ZNF500: variants seen among roughly 807,000 people sequenced by gnomAD.
ZNF500 encodes zinc finger protein 500.
Under a neutral mutation model 30.1 loss-of-function variants are expected in ZNF500, and 31 were observed. The ratio of observed to expected loss-of-function variants is 1.03; its 90% CI spans 0.77 to 1.39. The LOEUF is 1.39. Among genes scored for constraint, ZNF500 ranks in the 40% most tolerant of loss-of-function variants. The pLI, the probability that ZNF500 is intolerant of heterozygous loss-of-function variation, is 0.00. For missense variants in ZNF500, 817 were observed against 657.8 expected (o/e 1.24, Z -2.65); for synonymous variants, 392 against 282.0 (o/e 1.39, Z -3.91).
intron 5 of ZNF500, among the ~76,000 whole-genome samples, chr16:4,753,372 G>A (rs868155695): frequency 5.3e-5 from 8 of 152,216 alleles, no homozygotes; most frequent in African/African-American, 1.9e-4. Context: ...TGAGGTCGGA[G>A]GATCACTTGA....
rs2082062224 is a variant in ZNF500 at position 4,749,914 on chromosome 16, A to C, written c.*2462T>G. 6.6e-6 allele frequency: 1 copy of C among 152,296 alleles called. No homozygotes were observed. The allele number at this position is 152,296 out of a possible 1,614,324, so 9.4% of individuals were successfully genotyped here. On this transcript the variant is annotated 3_prime_UTR_variant, in exon 6 of 6. Coordinates refer to ENST00000219478, the MANE Select transcript of ZNF500 (RefSeq NM_021646.4). ...GCACCTGGGACTCACAGCTCCTACA[A>C]AACTCTCCCATCACGTGAGTGCTGA...
In ZNF500 at chr16:4,765,831, G is replaced by A. The variant is rs767465356; in HGVS notation, c.148C>T (p.Arg50Cys). The A allele has an allele frequency of 1.6e-5, 26 of 1,613,514 alleles. No individual in the cohort carries two copies. Among genetic ancestry groups the A allele is most frequent in the Middle Eastern group, 1.6e-4 (1 of 6,084 alleles). The change falls in exon 2 of 6, where the codon CGC becomes TGC. Residue 50 changes from arginine (R) to cysteine (C), a missense_variant. By Grantham distance (180) the Arg-to-Cys change is radical. Coordinates refer to ENST00000219478, the MANE Select transcript of ZNF500 (RefSeq NM_021646.4). ...ETEDPSPETF[R>C]QLFRLFCYQE... ...TAGCAGAAGAGCCGGAAGAGCTGGC[G>A]GAAAGTCTCAGGGCTGGGGTCCTCC...
At chr16:4,747,032 A>G, downstream of ZNF500, 2 of 1,521,280 alleles carry the variant, frequency 1.3e-6, no homozygotes, top group Non-Finnish European at 1.8e-6. Flanking sequence ...TACGGTAACC[A>G]CCCAGGGGCC....
At chr16:4,744,528 T>G (rs1210724072), downstream of ZNF500, among the ~76,000 whole-genome samples, 1 of 152,032 alleles carries the variant, frequency 6.6e-6, no homozygotes, top group Admixed American at 6.6e-5. Flanking sequence ...AGGATGACCC[T>G]ATTTTTTTTT....
downstream of ZNF500, chr16:4,747,683 C>T: frequency 2.0e-6 from 3 of 1,525,144 alleles, no homozygotes; most frequent in Non-Finnish European, 2.7e-6. Flanking sequence ...TGCCATGGAC[C>T]CTGGGCCCCG....
intron 5 of ZNF500, among the ~76,000 whole-genome samples, chr16:4,757,053 T>C (rs1044529817): frequency 4.6e-5 from 7 of 152,040 alleles, no homozygotes; most frequent in African/African-American, 1.4e-4. Context: ...TGAGACCCTG[T>C]CTCAAAAAAG....
Position 4,762,664 on chromosome 16 carries a change from G to A in ZNF500, c.507C>T (p.Ser169=). The A allele has an allele frequency of 6.2e-7, 1 of 1,614,122 alleles. No homozygotes were observed. The highest frequency in any genetic ancestry group is 1.7e-5 in the Admixed American group (1 of 60,018). ...TGGAGAATCGAGCCTCTTCCTCCAG[G>A]GACAGATCCTCTGGCTGAGCCTCTG... is the stretch of plus-strand genomic sequence containing the variant. ...HQAEAQPEDL[S]LEEEARFSSQ... is the part of the protein sequence containing the mutation. Residue 169 remains serine (S), a synonymous_variant, in exon 3 of 6, where the codon TCC becomes TCT. Transcript: ENST00000219478.
chr16:4,762,210 G>A, intron 4 of ZNF500, 61 bp downstream of exon 4: 2 of 1,567,226 alleles, frequency 1.3e-6, no homozygotes, highest in Non-Finnish European at 1.7e-6. Context: ...ACAAGGAAGT[G>A]TGACACACAG....
intron 5 of ZNF500, among the ~76,000 whole-genome samples, chr16:4,753,427 A>C (rs1003403770): frequency 6.6e-6 from 1 of 152,226 alleles, no homozygotes; most frequent in African/African-American, 2.4e-5. Flanking sequence ...GCGCCACTAC[A>C]TTCCAGCCCG....
rs1014434630 is a variant in ZNF500 at position 4,766,761 on chromosome 16, C to G, written c.-99+256G>C. Among the ~76,000 whole-genome samples, 23 of 152,344 alleles carry G rather than the reference C, an allele frequency of 1.5e-4. 1 individual carries two copies. Among genetic ancestry groups the G allele is most frequent in the Admixed American group, 1.5e-3 (23 of 15,302 alleles). ...TCTGCAGACTCTGCCTCAACTTGAT[C>G]CCCGGTGTCCAGGTCTGGCGAACCC... On this transcript the variant is annotated intron_variant, in intron 1 of 5. Transcript: ENST00000219478.
rs1278727727 is a variant in ZNF500 at position 4,752,630 on chromosome 16, C to T, written c.1189G>A (p.Val397Ile). The change falls in exon 6 of 6, where the codon GTC becomes ATC. Residue 397 changes from valine (V) to isoleucine (I), a missense_variant. Coordinates refer to ENST00000219478, the MANE Select transcript of ZNF500 (RefSeq NM_021646.4). ...CCGCTGTGTGTCCTGCGGTGGATGA[C>T]CAGGCTGGAGCTCTGGCTGAAGCGC... ...GKRFSQSSSL[V>I]IHRRTHSGER... 15 of 1,610,044 alleles carry T rather than the reference C, an allele frequency of 9.3e-6. No individual in the cohort carries two copies. The Admixed American group carries it at 2.5e-4, about 27-fold the overall frequency.
chr16:4,766,274 C>T (rs1008043892), intron 1 of ZNF500, among the ~76,000 whole-genome samples, 198 bp from the exon 2 acceptor site: 2 of 152,202 alleles, frequency 1.3e-5, no homozygotes, highest in African/African-American at 2.4e-5. Flanking sequence ...GGCTTTGCTT[C>T]CTCACTGGGC....
In ZNF500 at chr16:4,752,215, C is replaced by G. The variant is rs1045916405; in HGVS notation, c.*161G>C. On this transcript the variant is annotated 3_prime_UTR_variant, in exon 6 of 6. Coordinates refer to ENST00000219478, the MANE Select transcript of ZNF500 (RefSeq NM_021646.4). ...TTGTTCTGCACCCAGTGCCCAGCTT[C>G]CTCTGCGGCCTGGGCATCCCAAATG... The G allele has an allele frequency of 6.3e-6, 9 of 1,421,100 alleles. No homozygotes were observed. Among genetic ancestry groups the G allele is most frequent in the Non-Finnish European group, 8.2e-6 (9 of 1,093,682 alleles). The allele number at this position is 1,421,100 out of a possible 1,614,324, so 88.0% of individuals were successfully genotyped here.
At position 4,752,412 on chromosome 16, in the gene ZNF500, C is replaced by A; in HGVS notation, c.1407G>T (p.Gln469His). 1 of 1,523,590 alleles carries A rather than the reference C, an allele frequency of 6.6e-7. No individual in the cohort carries two copies. The highest frequency in any genetic ancestry group is 1.4e-5 in the African/African-American group (1 of 72,504). The allele number at this position is 1,523,590 out of a possible 1,614,324, so 94.4% of individuals were successfully genotyped here. ...CACCGGGGCCTCCAGGAGCCACCGG[C>A]TGGAGCGTCGGCAAGGAGCCTGCCC... Reference protein sequence around the residue: ...HMGAGSLPTLQPVAPGGPGAK... With the variant: ...HMGAGSLPTLHPVAPGGPGAK... The change falls in exon 6 of 6, where the codon CAG (glutamine) becomes CAT (histidine). Residue 469 changes from glutamine (Q) to histidine (H), a missense_variant. By Grantham distance (24) the Gln-to-His change is conservative (BLOSUM62 0). Coordinates refer to ENST00000219478, the MANE Select transcript of ZNF500 (RefSeq NM_021646.4).
chr16:4,764,924 T>C (rs1304361807), intron 2 of ZNF500, among the ~76,000 whole-genome samples: 3 of 152,140 alleles, frequency 2.0e-5, no homozygotes, highest in Non-Finnish European at 4.4e-5. Flanking sequence ...CCCATGCCCC[T>C]GGTCTTTCTT....
In ZNF500 at chr16:4,752,450, G is replaced by C. The variant is rs779426611; in HGVS notation, c.1369C>G (p.Arg457Gly). 10 of 1,541,632 alleles carry C rather than the reference G, an allele frequency of 6.5e-6. No homozygotes were observed. The Admixed American group carries it at 2.0e-4, about 30-fold the overall frequency. Reference protein sequence around the residue: ...RRGTDLHKHQRTHMGAGSLPT... With the variant: ...RRGTDLHKHQGTHMGAGSLPT... ...AAGGAGCCTGCCCCCATGTGGGTCC[G>C]CTGGTGCTTGTGCAGGTCGGTGCCC... The change falls in exon 6 of 6, where the codon CGG becomes GGG. Residue 457 changes from arginine to glycine, a missense_variant. Arg to Gly is a moderately radical substitution (Grantham distance 125). Transcript: ENST00000219478.
At chr16:4,746,911 A>G, downstream of ZNF500, 1 of 1,536,880 alleles carries the variant, frequency 6.5e-7, no homozygotes, top group Non-Finnish European at 8.7e-7. Context: ...CCAGAAACCC[A>G]TTTCTCTCCC....
intron 3 of ZNF500, 98 bp downstream of exon 3, chr16:4,762,475 T>C (rs2082216396): frequency 6.6e-7 from 1 of 1,512,238 alleles, no homozygotes; most frequent in Non-Finnish European, 8.9e-7. Context: ...GCACCCTGCA[T>C]CCAGGCAGGC....
Position 4,765,424 on chromosome 16 carries a change from T to G in ZNF500, c.414+141A>C, listed in dbSNP as rs4786548. On this transcript the variant is annotated intron_variant, in intron 2 of 5. Transcript: ENST00000219478. ...ACACCCATTAGCCAAGGCTGAGAAATCTTTTGCAGTTGCTTTCCTCAAAAG... is the reference window on the plus strand; with the variant it reads ...ACACCCATTAGCCAAGGCTGAGAAAGCTTTTGCAGTTGCTTTCCTCAAAAG... The G allele has an allele frequency of 4.2e-6, 5 of 1,192,384 alleles. No homozygotes were observed. In the Admixed American group the frequency reaches 1.2e-4, roughly 30 times the overall value. The allele number at this position is 1,192,384 out of a possible 1,614,324, so 73.9% of individuals were successfully genotyped here.
Sources: allele counts gnomAD v4.1 joint callset (sites outside exome capture counted in the v4.1 genomes callset), GRCh38; gene constraint gnomAD v4.1.1; transcripts MANE v1.5; gene names NCBI Gene and HGNC (gene_info 2026-07-23, HGNC 2026-07-21).